Variants in TLCD3B observed in about 807,000 individuals in gnomAD.
The protein encoded by TLCD3B is ceramide synthase.
Under a neutral mutation model 23.0 loss-of-function variants are expected in TLCD3B, and 9 were observed. That is an observed-to-expected ratio of 0.39 (90% CI 0.24 to 0.68). The LOEUF is 0.68. TLCD3B is among the 30% of genes least tolerant of loss of function. The pLI is 0.44. For synonymous variants in TLCD3B, 161 were observed against 161.0 expected (o/e 1.00, Z 0.00); for missense variants, 307 against 371.8 (o/e 0.83, Z 1.43).
At chr16:30,030,155 G>T in intron 1 of TLCD3B, 1 of 1,483,376 alleles carries the variant, frequency 6.7e-7, no homozygotes, top group Non-Finnish European at 9.1e-7. Context: ...GAGGGTGGGA[G>T]GGTGTACGGG....
upstream of TLCD3B, chr16:30,035,550 C>A: frequency 4.8e-6 from 6 of 1,260,776 alleles, no homozygotes; most frequent in Non-Finnish European, 5.1e-6. Flanking sequence ...GACCCCCCAG[C>A]AGCCTTCTTC....
At chr16:30,034,410 CAA>C (rs34825633), upstream of TLCD3B, among the ~76,000 whole-genome samples, 9 of 116,018 alleles carry the variant, frequency 7.8e-5, no homozygotes, top group Non-Finnish European at 7.0e-5. Flanking sequence ...CTGTCTCTAC[CAA>C]AAAAAAAAAA....
intron 3 of TLCD3B, among the ~76,000 whole-genome samples, chr16:30,026,350 T>C (rs1307110800): frequency 6.6e-6 from 1 of 152,044 alleles, no homozygotes; most frequent in Non-Finnish European, 1.5e-5. Context: ...GTGAGGAAAC[T>C]GAGGCTCAGA....
At position 30,040,147 on chromosome 16, in the gene TLCD3B, A is replaced by AAAAATATAT; in HGVS notation, c.-67+847_-67+848insATATATTTT. On this transcript the variant is annotated intron_variant, in intron 3 of 6. Coordinates refer to the TLCD3B transcript ENST00000561666. Reference sequence around the variant, plus strand: ...AGACTTTGTCTCAAAAAAAAAAAAAAATATATATATATATATATATATATG... The same window carrying AAAAATATAT: ...AGACTTTGTCTCAAAAAAAAAAAAAAAAAATATATATATATATATATATATATATATATG... 4.2e-3 allele frequency among the ~76,000 whole-genome samples: 400 copies of AAAAATATAT among 95,852 alleles called. 3 individuals are homozygous for AAAAATATAT. The highest frequency in any genetic ancestry group is 5.2e-3 in the Non-Finnish European group (260 of 49,552). The allele number at this position is 95,852 out of a possible 152,430, so 62.9% of individuals were successfully genotyped here. A position where few individuals can be genotyped will look rare whatever the true frequency, so the allele number is the denominator to read the frequency against.
chr16:30,037,500 A>G (rs1375845712), intron 3 of TLCD3B, among the ~76,000 whole-genome samples: 2 of 149,744 alleles, frequency 1.3e-5, no homozygotes, highest in Admixed American at 6.7e-5. Context: ...CCGAGATGGC[A>G]CCACTGCACT....
rs34958582 is a variant in TLCD3B, at chr16:30,038,294, GA to G, written c.-66-2081del. Among the ~76,000 whole-genome samples the G allele has an allele frequency of 4.5e-3, 659 of 147,012 alleles. 4 individuals carry two copies. Among genetic ancestry groups the G allele is most frequent in the African/African-American group, 0.015 (606 of 40,208 alleles). The stretch of plus-strand genomic sequence containing the variant: ...TGATCTGCATTCTCTGACTCTAAAA[GA>G]AAAAAAAAAGGCCAAGTGTGGTGGT... On this transcript the variant is annotated intron_variant, in intron 3 of 6. Coordinates refer to the TLCD3B transcript ENST00000561666.
intron 1 of TLCD3B, among the ~76,000 whole-genome samples, chr16:30,052,170 C>A (rs1255700309): frequency 6.6e-6 from 1 of 151,956 alleles, no homozygotes; most frequent in Non-Finnish European, 1.5e-5. Flanking sequence ...GAGTTCGAGA[C>A]CAGCCTGGCC....
upstream of TLCD3B, among the ~76,000 whole-genome samples, chr16:30,035,751 TTTC>T (rs758739505): frequency 7.3e-4 from 105 of 144,436 alleles, 1 homozygote; most frequent in African/African-American, 2.0e-3. Context: ...TTTCTTTTCT[TTTC>T]TTTTCTTTTT....
upstream of TLCD3B, among the ~76,000 whole-genome samples, chr16:30,035,759 C>A (rs980474804): frequency 9.3e-5 from 12 of 129,062 alleles, no homozygotes; most frequent in African/African-American, 3.8e-4. Flanking sequence ...CTTTTCTTTT[C>A]TTTTTTCTTT....
chr16:30,038,501 C>A (rs1290850042), intron 3 of TLCD3B, among the ~76,000 whole-genome samples: 1 of 152,212 alleles, frequency 6.6e-6, no homozygotes, highest in Non-Finnish European at 1.5e-5. Context: ...CCTGTAATCC[C>A]AGCACTTTGG....
In TLCD3B at chr16:30,025,701, C is replaced by T; in HGVS notation, c.540+25G>A. The T allele has an allele frequency of 1.2e-6, 2 of 1,611,956 alleles. No homozygotes were observed. Among genetic ancestry groups the T allele is most frequent in the South Asian group, 1.1e-5 (1 of 91,034 alleles). On this transcript the variant is annotated intron_variant, in intron 4 of 4. Coordinates refer to ENST00000380495, the MANE Select transcript of TLCD3B (RefSeq NM_031478.6). The surrounding 1 kb of genome is among the most constrained non-coding windows in gnomAD (Gnocchi z 4.1). ...CTTCCTGTGACCTCCCCATTGGGCT[C>T]CTGCACCCTCCCATGCTCACTCACC...
Position 30,025,719 on chromosome 16 carries a change from C to T in TLCD3B, c.540+7G>A, listed in dbSNP as rs564414541. 1.5e-5 allele frequency: 24 copies of T among 1,613,970 alleles called. No homozygotes were observed. In the African/African-American group the frequency reaches 2.7e-4, roughly 18 times the overall value. ...TTGGGCTCCTGCACCCTCCCATGCT[C>T]ACTCACCTGGATGAGGATCTTGCCA... On this transcript the variant is annotated splice_region_variant and intron_variant, in intron 4 of 4. Transcript: ENST00000380495. This position sits in a 1 kb window ranked among gnomAD's most constrained non-coding sequence, Gnocchi z 4.1.
intron 3 of TLCD3B, among the ~76,000 whole-genome samples, chr16:30,038,104 G>A (rs116745462): frequency 2.2e-4 from 34 of 152,268 alleles, no homozygotes; most frequent in African/African-American, 7.9e-4. Context: ...TAAAATGTGT[G>A]CCCCTTAAGT....
intron 3 of TLCD3B, among the ~76,000 whole-genome samples, chr16:30,040,690 C>T (rs2071567805): frequency 6.6e-6 from 1 of 152,006 alleles, no homozygotes; most frequent in East Asian, 1.9e-4. Context: ...GAGTCTCACT[C>T]TGTCACCCAG....
chr16:30,035,372 T>C, upstream of TLCD3B: 1 of 1,289,642 alleles, frequency 7.8e-7, no homozygotes, highest in South Asian at 1.2e-5. Flanking sequence ...CAGGACAGCC[T>C]CTTGTCTCTC....
At chr16:30,032,669 T>G (rs572070117), upstream of TLCD3B, 1 of 132,042 alleles carries the variant, frequency 7.6e-6, no homozygotes. Context: ...TTTTTTGAGA[T>G]AGGGTCTCAT....
chr16:30,035,401 G>C, upstream of TLCD3B: 1 of 1,289,624 alleles, frequency 7.8e-7, no homozygotes, highest in Non-Finnish European at 1.0e-6. Context: ...GGTTGGTGTG[G>C]TTCTGCAAGC....
intron 3 of TLCD3B, 121 bp downstream of exon 3, chr16:30,026,488 A>C: frequency 1.2e-6 from 1 of 835,712 alleles, no homozygotes; most frequent in Non-Finnish European, 1.9e-6. Flanking sequence ...TTCCCTGGGA[A>C]TACGCTGGGT....
chr16:30,044,893 C>A (rs1181556394), intron 2 of TLCD3B, among the ~76,000 whole-genome samples: 1 of 151,634 alleles, frequency 6.6e-6, no homozygotes, highest in Non-Finnish European at 1.5e-5. Context: ...GGGTTCGAGA[C>A]CAGCCCCTGG....
Sources: gnomAD v4.1 joint callset for allele counts (sites outside exome capture counted in the v4.1 genomes callset) on GRCh38, gnomAD v4.1.1 for gene constraint, Gnocchi (gnomAD v3.1) non-coding constraint, MANE v1.5 for transcripts, NCBI Gene and HGNC (gene_info 2026-07-23, HGNC 2026-07-21) for gene names.